The following KIAA1614 variants were observed in gnomAD, a reference collection of about 807,000 sequenced individuals.
KIAA1614 encodes uncharacterized protein KIAA1614.
A neutral mutation model predicts 88.7 loss-of-function variants in KIAA1614; 76 were observed. The observed-to-expected ratio is 0.86, with a 90% confidence interval of 0.71 to 1.04. The LOEUF (loss-of-function observed/expected upper bound fraction) is 1.04, where lower values mean the gene tolerates loss of function less well. Among genes scored for constraint, KIAA1614 ranks in the 50% least tolerant of loss-of-function variants. KIAA1614 has a pLI of 0.00. For missense variants in KIAA1614, 1,553 were observed against 1,582.5 expected (o/e 0.98, Z 0.32); for synonymous variants, 714 against 675.5 (o/e 1.06, Z -0.88).
intron 1 of KIAA1614, among the ~76,000 whole-genome samples, chr1:180,915,026 G>A (rs140927123): frequency 0.025 from 3,729 of 151,940 alleles, 131 homozygotes; most frequent in African/African-American, 0.085. Context: ...CTGGTCTCGA[G>A]CTCCTGACCT....
Position 180,935,415 on chromosome 1 carries a change from C to A in KIAA1614, c.1506C>A (p.Pro502=). Residue 502 remains proline, a synonymous_variant, in exon 5 of 9, where the codon CCC becomes CCA. Transcript: ENST00000367588. The surrounding 1 kb of genome is among the most constrained non-coding windows in gnomAD (Gnocchi z 6.1). ...TCGCCGACTACATCAACGGGGCTCC[C>A]CGGCTCCGGGACGCGGGGCAGGGGA... ...PDLADYINGA[P]RLRDAGQGTF... 6.8e-7 allele frequency: 1 copy of A among 1,473,678 alleles called. No individual in the cohort carries two copies. The highest frequency in any genetic ancestry group is 8.9e-7 in the Non-Finnish European group (1 of 1,119,076). The allele number at this position is 1,473,678 out of a possible 1,614,324, so 91.3% of individuals were successfully genotyped here. A position where few individuals can be genotyped will look rare whatever the true frequency, so the allele number is the denominator to read the frequency against.
chr1:180,945,447 C>T lies in KIAA1614; in HGVS notation c.3432C>T (p.Phe1144=), dbSNP rs750845986. Residue 1144 remains phenylalanine, a synonymous_variant, in exon 9 of 9, where the codon TTC becomes TTT. Coordinates refer to ENST00000367588, the MANE Select transcript of KIAA1614 (RefSeq NM_020950.2). ...LQLQRSPGGT[F]GFCVASGNGR... ...TGCAGCGCTCCCCAGGGGGCACTTT[C>T]GGCTTCTGCGTGGCCTCTGGGAATG... The T allele has an allele frequency of 9.2e-5, 148 of 1,612,280 alleles. No individual in the cohort carries two copies. Among genetic ancestry groups the T allele is most frequent in the Admixed American group, 2.7e-4 (16 of 59,694 alleles).
chr1:180,917,940 T>TCTCC (rs778129297), intron 3 of KIAA1614, 26 bp downstream of exon 3: 1 of 1,594,348 alleles, frequency 6.3e-7, no homozygotes. Context: ...CCACATTTTC[T>TCTCC]CTCCCTCCCT....
chr1:180,935,972 A>T lies in KIAA1614; in HGVS notation c.2063A>T (p.Glu688Val). 6.2e-7 allele frequency: 1 copy of T among 1,614,028 alleles called. No homozygotes were observed. The highest frequency in any genetic ancestry group is 8.5e-7 in the Non-Finnish European group (1 of 1,179,894). Residue 688 changes from glutamate to valine, a missense_variant, in exon 5 of 9, where the codon GAG becomes GTG. Physicochemically the swap from Glu to Val is moderately radical, Grantham distance 121. Coordinates refer to ENST00000367588, the MANE Select transcript of KIAA1614 (RefSeq NM_020950.2). This position sits in a 1 kb window ranked among gnomAD's most constrained non-coding sequence, Gnocchi z 6.1. ...GCTGATGATGTGGAGGTGGAAAATG[A>T]GGTGAAAGAGGGCAGAGGACACACG... is the stretch of plus-strand genomic sequence containing the variant. ...PRADDVEVEN[E>V]VKEGRGHTPE...
chr1:180,925,702 A>C (rs1015056582), intron 3 of KIAA1614, among the ~76,000 whole-genome samples: 1 of 152,088 alleles, frequency 6.6e-6, no homozygotes, highest in African/African-American at 2.4e-5. Context: ...GCAGGAGGGG[A>C]CCACACGCTG....
chr1:180,916,212 T>A lies in KIAA1614; in HGVS notation c.109T>A (p.Trp37Arg). 1 of 1,608,830 alleles carries A rather than the reference T, an allele frequency of 6.2e-7. No individual in the cohort carries two copies. The highest frequency in any genetic ancestry group is 8.5e-7 in the Non-Finnish European group (1 of 1,177,888). The change falls in exon 2 of 9, where the codon TGG becomes AGG. Residue 37 changes from tryptophan to arginine, a missense_variant. Trp to Arg is a moderately radical substitution (Grantham distance 101, BLOSUM62 -3). Transcript: ENST00000367588. ...SPVEGTSAVE[W>R]SGPEPQLDNG... Reference sequence around the variant, plus strand: ...CGTGGAGGGGACCTCAGCTGTGGAGTGGAGTGGTCCTGAGCCACAGCTGGA... The same window carrying A: ...CGTGGAGGGGACCTCAGCTGTGGAGAGGAGTGGTCCTGAGCCACAGCTGGA...
rs747373846 is a variant in KIAA1614 at position 180,936,587 on chromosome 1, A to G, written c.2678A>G (p.Tyr893Cys). 4.3e-6 allele frequency: 7 copies of G among 1,612,282 alleles called. No individual in the cohort carries two copies. The African/African-American group carries it at 8.0e-5, about 18-fold the overall frequency. Residue 893 changes from tyrosine (Y) to cysteine (C), a missense_variant, in exon 5 of 9, where the codon TAC (tyrosine) becomes TGC (cysteine). Transcript: ENST00000367588. The part of the protein sequence containing the change: ...NSAPRGLQEP[Y>C]GGAVHEGRVE... ...GCACCTCGGGGGCTGCAGGAGCCCT[A>G]CGGGGGAGCCGTCCACGAGGGTAGG...
chr1:180,947,736 C>T lies in KIAA1614; in HGVS notation c.*2148C>T, dbSNP rs1432409456. On this transcript the variant is annotated 3_prime_UTR_variant, in exon 9 of 9. Coordinates refer to ENST00000367588, the MANE Select transcript of KIAA1614 (RefSeq NM_020950.2). ...ATGTGATCTAGAGCAGGCGACATCC[C>T]CACTGAGCCTCACTCAGTTCCCTAA... is the stretch of plus-strand genomic sequence containing the variant. 2.0e-5 allele frequency: 3 copies of T among 152,210 alleles called. No individual in the cohort carries two copies. The highest frequency in any genetic ancestry group is 7.2e-5 in the African/African-American group (3 of 41,452). 9.4% of individuals were successfully genotyped at this position (152,210 alleles called of 1,614,324 possible).
At chr1:180,943,548 A>ATTTTTTTTTTTTTTTTTT (rs201999726) in intron 7 of KIAA1614, among the ~76,000 whole-genome samples, 4,374 of 74,156 alleles carry the variant, frequency 0.059, 969 homozygotes, top group East Asian at 0.21. Context: ...ATGGTAGTAG[A>ATTTTTTTTTTTTTTTTTT]TCTTTTTTTT....
At position 180,916,735 on chromosome 1, in the gene KIAA1614, G is replaced by T; in HGVS notation, c.632G>T (p.Ser211Ile). 1 of 1,614,104 alleles carries T rather than the reference G, an allele frequency of 6.2e-7. No individual in the cohort carries two copies. The highest frequency in any genetic ancestry group is 8.5e-7 in the Non-Finnish European group (1 of 1,179,998). ...CTGGGGCCCAGCTCTTTGCAACAGAGCCCGATCCATGGAGTTACTCCCGGA... is the reference window on the plus strand; with the variant it reads ...CTGGGGCCCAGCTCTTTGCAACAGATCCCGATCCATGGAGTTACTCCCGGA... ...PLLGPSSLQQSPIHGVTPGRP... is the reference protein window; with the variant it reads ...PLLGPSSLQQIPIHGVTPGRP... Residue 211 changes from serine to isoleucine, a missense_variant, in exon 2 of 9, where the codon AGC becomes ATC. Ser to Ile is a moderately radical substitution (Grantham distance 142). Transcript: ENST00000367588.
At position 180,944,410 on chromosome 1, in the gene KIAA1614, C is replaced by T. The variant is rs371574880; in HGVS notation, c.3181C>T (p.Arg1061Trp). Reference sequence around the variant, plus strand: ...TCAGGTGTCACCCTCTCACCAGCGTCGGAAAGCTGCCTCTTTTCAGAACCT... The same window carrying T: ...TCAGGTGTCACCCTCTCACCAGCGTTGGAAAGCTGCCTCTTTTCAGAACCT... ...LHPVSPSHQR[R>W]KAASFQNLHS... The change falls in exon 8 of 9, where the codon CGG becomes TGG. Residue 1061 changes from arginine (R) to tryptophan (W), a missense_variant. Transcript: ENST00000367588. 2.0e-5 allele frequency: 32 copies of T among 1,613,766 alleles called. No homozygotes were observed. Among genetic ancestry groups the T allele is most frequent in the African/African-American group, 1.7e-4 (13 of 75,038 alleles).
At chr1:180,914,559 C>CT (rs997382359) in intron 1 of KIAA1614, among the ~76,000 whole-genome samples, 30 of 147,354 alleles carry the variant, frequency 2.0e-4, no homozygotes, top group Admixed American at 8.7e-4. Context: ...CTTTTCTTTT[C>CT]TTTTTTTTGA....
chr1:180,922,768 C>T (rs1653984692), intron 3 of KIAA1614, among the ~76,000 whole-genome samples: 1 of 152,210 alleles, frequency 6.6e-6, no homozygotes, highest in Non-Finnish European at 1.5e-5. Flanking sequence ...AAGCAATTCT[C>T]TGGCAGACCC....
Position 180,920,169 on chromosome 1 carries a change from C to G in KIAA1614, c.1061+2255C>G, listed in dbSNP as rs115339814. On this transcript the variant is annotated intron_variant, in intron 3 of 8. Transcript: ENST00000367588. ...CTCAGATAGGGTTCCCTGTCTGGCT[C>G]TATCCCCGAGTCTCCTGGGCAGACA... Among the ~76,000 whole-genome samples the G allele has an allele frequency of 1.3e-5, 2 of 152,194 alleles. 1 individual carries two copies. The highest frequency in any genetic ancestry group is 4.1e-4 in the South Asian group (2 of 4,838).
rs1476574841 is a variant in KIAA1614, at chr1:180,936,494, C to A, written c.2585C>A (p.Thr862Asn). ...LRTCELPPSQ[T>N]QPSRPQVRHP... ...ACCTGTGAGCTGCCCCCATCACAGACCCAGCCCAGCCGCCCTCAGGTCAGG... is the reference window on the plus strand; with the variant it reads ...ACCTGTGAGCTGCCCCCATCACAGAACCAGCCCAGCCGCCCTCAGGTCAGG... Residue 862 changes from threonine to asparagine, a missense_variant, in exon 5 of 9, where the codon ACC (threonine) becomes AAC (asparagine). Coordinates refer to ENST00000367588, the MANE Select transcript of KIAA1614 (RefSeq NM_020950.2). 1 of 1,613,946 alleles carries A rather than the reference C, an allele frequency of 6.2e-7. No individual in the cohort carries two copies.
At position 180,935,897 on chromosome 1, in the gene KIAA1614, C is replaced by A; in HGVS notation, c.1988C>A (p.Ala663Asp). The change falls in exon 5 of 9, where the codon GCT becomes GAT. Residue 663 changes from alanine to aspartate, a missense_variant. Ala to Asp is a moderately radical substitution (Grantham distance 126). Transcript: ENST00000367588. The surrounding 1 kb of genome is among the most constrained non-coding windows in gnomAD (Gnocchi z 6.1). Reference sequence around the variant, plus strand: ...CGAGGCCACAGGTGGTCCAAGAAGGCTGAGGCGGAGCTCCCTTGGGGCCTT... The same window carrying A: ...CGAGGCCACAGGTGGTCCAAGAAGGATGAGGCGGAGCTCCCTTGGGGCCTT... The part of the protein sequence containing the change: ...RPRGHRWSKK[A>D]EAELPWGLQA... The A allele has an allele frequency of 6.2e-7, 1 of 1,613,942 alleles. No homozygotes were observed. The highest frequency in any genetic ancestry group is 8.5e-7 in the Non-Finnish European group (1 of 1,179,926).
In KIAA1614 at chr1:180,948,922, T is replaced by C. The variant is rs1483309737; in HGVS notation, c.*3334T>C. The C allele has an allele frequency of 1.3e-5, 2 of 152,248 alleles. No homozygotes were observed. Among genetic ancestry groups the C allele is most frequent in the African/African-American group, 4.8e-5 (2 of 41,454 alleles). 9.4% of individuals were successfully genotyped at this position (152,248 alleles called of 1,614,324 possible). ...TTTCAGGTACTTCGGTGAAGATCAGTGCTCTTTCAAACCCACACTTCAGAG... is the reference window on the plus strand; with the variant it reads ...TTTCAGGTACTTCGGTGAAGATCAGCGCTCTTTCAAACCCACACTTCAGAG... On this transcript the variant is annotated 3_prime_UTR_variant, in exon 9 of 9. Transcript: ENST00000367588.
At chr1:180,939,375 G>C (rs10914140) in intron 6 of KIAA1614, among the ~76,000 whole-genome samples, 57,792 of 152,054 alleles carry the variant, frequency 0.38, 11,841 homozygotes, top group South Asian at 0.53. Flanking sequence ...GGGGTCTGAT[G>C]GGCCTCTCAA....
intron 6 of KIAA1614, among the ~76,000 whole-genome samples, chr1:180,940,636 TTTC>T (rs1654435706): frequency 6.6e-6 from 1 of 151,906 alleles, no homozygotes; most frequent in South Asian, 2.1e-4. Flanking sequence ...TTTTCTTTCT[TTTC>T]TTTTCTTTTC....
Sources: allele counts gnomAD v4.1 joint callset (sites outside exome capture counted in the v4.1 genomes callset), GRCh38; gene constraint gnomAD v4.1.1; non-coding constraint Gnocchi (gnomAD v3.1); transcripts MANE v1.5; gene names NCBI Gene and HGNC (gene_info 2026-07-23, HGNC 2026-07-21).